ESYT3: variants seen among roughly 807,000 people sequenced by gnomAD.
ESYT3 encodes the protein extended synaptotagmin-3.
Under a neutral mutation model 111.5 loss-of-function variants are expected in ESYT3, and 101 were observed. The observed-to-expected ratio is 0.91, with a 90% CI of 0.77 to 1.07. The LOEUF is 1.07. Among genes scored for constraint, ESYT3 ranks in the 50% least tolerant of loss-of-function variants. The pLI is 0.00. For missense variants in ESYT3, 1,097 were observed against 1,109.4 expected, an observed-to-expected ratio of 0.99 and a Z score of 0.16; for synonymous variants, 416 against 446.8, an observed-to-expected ratio of 0.93 and a Z score of 0.87.
Position 138,474,365 on chromosome 3 carries a change from G to C in ESYT3, c.2468+13G>C. On this transcript the variant is annotated intron_variant, in intron 20 of 22. Coordinates refer to ENST00000389567, the MANE Select transcript of ESYT3 (RefSeq NM_031913.5). ...TGTTTGATGAGACGTAAGTGGGCTG[G>C]TGGCCTGCCTAGAGTGCCTCACCCA... 6.3e-7 allele frequency: 1 copy of C among 1,580,698 alleles called. No individual in the cohort carries two copies. The highest frequency in any genetic ancestry group is 1.4e-5 in the African/African-American group (1 of 73,060).
Position 138,479,254 on chromosome 3 carries a change from T to A in ESYT3, c.*2400T>A, listed in dbSNP as rs2033618772. ...TACATTGGCAAACCTAAGCAAGTTT[T>A]GATGATGATTGTTCACAAGATATAA... On this transcript the variant is annotated 3_prime_UTR_variant, in exon 23 of 23. Coordinates refer to ENST00000389567, the MANE Select transcript of ESYT3 (RefSeq NM_031913.5). The A allele has an allele frequency of 6.6e-6, 1 of 152,192 alleles. No individual in the cohort carries two copies. Among genetic ancestry groups the A allele is most frequent in the Admixed American group, 6.5e-5 (1 of 15,286 alleles). The allele number at this position is 152,192 out of a possible 1,614,324, so 9.4% of individuals were successfully genotyped here.
chr3:138,459,704 C>T (rs189065632), intron 5 of ESYT3, among the ~76,000 whole-genome samples: 1 of 152,240 alleles, frequency 6.6e-6, no homozygotes, highest in African/African-American at 2.4e-5. Context: ...CCAGCACACC[C>T]GTGGAAGGCA....
At chr3:138,464,552 G>T (rs1431256534) in intron 9 of ESYT3, 37 bp downstream of exon 9, 1 of 1,611,070 alleles carries the variant, frequency 6.2e-7, no homozygotes, top group Non-Finnish European at 8.5e-7. Context: ...CCTTCACTCT[G>T]AGTCATGCTG....
intron 8 of ESYT3, chr3:138,462,432 G>T: frequency 1.7e-6 from 1 of 580,288 alleles, no homozygotes; most frequent in Non-Finnish European, 3.0e-6. Context: ...AAACTTACTT[G>T]GAATATTTCC....
chr3:138,448,900 G>A (rs961567681), intron 1 of ESYT3, among the ~76,000 whole-genome samples: 2 of 152,168 alleles, frequency 1.3e-5, no homozygotes, highest in Admixed American at 6.5e-5. Context: ...GGCAGGGTAG[G>A]AGAATTGAGG....
intron 15 of ESYT3, 120 bp from the exon 16 acceptor site, chr3:138,469,940 C>A (rs1384347995): frequency 1.3e-6 from 1 of 745,916 alleles, no homozygotes; most frequent in East Asian, 2.9e-5. Context: ...TGGGTCTGAT[C>A]CCAGGGCATA....
In ESYT3 at chr3:138,476,858, TGAG is replaced by T. The variant is rs780231135; in HGVS notation, c.*5_*7del. ...AAATGGACAGCCCAGAAGCTGATGA[TGAG>T]AATTCTTATCACTCACCTTTATATT... On this transcript the variant is annotated 3_prime_UTR_variant, in exon 23 of 23. Transcript: ENST00000389567. 2.1e-5 allele frequency: 34 copies of T among 1,613,330 alleles called. No individual in the cohort carries two copies. Among genetic ancestry groups the T allele is most frequent in the African/African-American group, 4.0e-5 (3 of 74,906 alleles).
At chr3:138,454,067 G>A (rs1027617521) in intron 2 of ESYT3, among the ~76,000 whole-genome samples, 6 of 152,166 alleles carry the variant, frequency 3.9e-5, no homozygotes, top group African/African-American at 1.2e-4. Context: ...CCATCAGCTC[G>A]GGTAACAGGG....
At position 138,479,895 on chromosome 3, in the gene ESYT3, T is replaced by G. The variant is rs570174341; in HGVS notation, c.*3041T>G. On this transcript the variant is annotated 3_prime_UTR_variant, in exon 23 of 23. Transcript: ENST00000389567. ...TAGAGTCCACTTCTACCCCGTTTAG[T>G]AGTAAATACAAGAATTGCTAACTAG... 1.6e-3 allele frequency: 245 copies of G among 152,324 alleles called. 1 individual carries two copies. The highest frequency in any genetic ancestry group is 5.7e-3 in the African/African-American group (235 of 41,556). The allele number at this position is 152,324 out of a possible 1,614,324, so 9.4% of individuals were successfully genotyped here.
intron 1 of ESYT3, among the ~76,000 whole-genome samples, chr3:138,443,326 G>T (rs766362131): frequency 1.3e-5 from 2 of 152,192 alleles, no homozygotes; most frequent in Non-Finnish European, 2.9e-5. Flanking sequence ...AGATTTAAAA[G>T]TAGTTTTAAT....
chr3:138,460,654 C>G lies in ESYT3; in HGVS notation c.782C>G (p.Ala261Gly). 6.2e-7 allele frequency: 1 copy of G among 1,614,028 alleles called. No homozygotes were observed. The highest frequency in any genetic ancestry group is 2.2e-5 in the East Asian group (1 of 44,868). The stretch of plus-strand genomic sequence containing the variant: ...ACTGGCCTGACCAACCTGCTGGATG[C>G]GCCGGGAATCAAGTAGGTGCCTGGG... ...NWTGLTNLLD[A>G]PGINDVSDSL... The change falls in exon 7 of 23, where the codon GCG becomes GGG. Residue 261 changes from alanine (A) to glycine (G), a missense_variant. Ala to Gly is a moderately conservative substitution (Grantham distance 60). Coordinates refer to ENST00000389567, the MANE Select transcript of ESYT3 (RefSeq NM_031913.5).
At chr3:138,460,551 G>T in intron 6 of ESYT3, 60 bp from the exon 7 acceptor site, 1 of 1,568,110 alleles carries the variant, frequency 6.4e-7, no homozygotes, top group South Asian at 1.1e-5. Flanking sequence ...CTTGGCAGGG[G>T]GTTCTCAGCC....
rs147315966 is a variant in ESYT3 at position 138,436,105 on chromosome 3, G to GA, written c.327+987dup. Among the ~76,000 whole-genome samples the GA allele has an allele frequency of 9.2e-3, 1,400 of 152,148 alleles. 15 individuals carry two copies. Among genetic ancestry groups the GA allele is most frequent in the African/African-American group, 0.032 (1,324 of 41,522 alleles). ...CAGTAGTCTGTAAAGTGAGGTGTGAGAAAAAAATATAAGGCCCATTTAGTT... is the reference window on the plus strand; with the variant it reads ...CAGTAGTCTGTAAAGTGAGGTGTGAGAAAAAAAATATAAGGCCCATTTAGTT... On this transcript the variant is annotated intron_variant, in intron 1 of 22. Transcript: ENST00000389567.
In ESYT3 at chr3:138,451,901, C is replaced by T. The variant is rs941786502; in HGVS notation, c.328-147C>T. On this transcript the variant is annotated intron_variant, in intron 1 of 22. Transcript: ENST00000389567. ...CTGGACGCCGAGTGGGTGCGGAGAG[C>T]GCACCTGTGACCGACGTGGAGGCGG... 2.2e-5 allele frequency: 18 copies of T among 824,400 alleles called. No individual in the cohort carries two copies. The African/African-American group carries it at 2.4e-4, about 11-fold the overall frequency. The allele number at this position is 824,400 out of a possible 1,614,324, so 51.1% of individuals were successfully genotyped here.
chr3:138,456,125 C>T (rs534965143), intron 3 of ESYT3, among the ~76,000 whole-genome samples: 10 of 152,370 alleles, frequency 6.6e-5, no homozygotes, highest in African/African-American at 2.4e-4. Flanking sequence ...ATTAGGCAGG[C>T]CTGAGCCCTG....
chr3:138,471,797 G>A (rs2033233799), intron 17 of ESYT3, among the ~76,000 whole-genome samples: 1 of 152,054 alleles, frequency 6.6e-6, no homozygotes, highest in African/African-American at 2.4e-5. Flanking sequence ...TTAACTTTGG[G>A]TTTCAAGATC....
chr3:138,457,519 C>G, intron 3 of ESYT3, 49 bp from the exon 4 acceptor site: 1 of 1,562,748 alleles, frequency 6.4e-7, no homozygotes. Context: ...TGGCAGCTGT[C>G]CCCTGCTACA....
At chr3:138,437,608 T>G (rs894570003) in intron 1 of ESYT3, among the ~76,000 whole-genome samples, 2 of 152,248 alleles carry the variant, frequency 1.3e-5, no homozygotes, top group Admixed American at 1.3e-4. Flanking sequence ...GAGGCTGGCC[T>G]TGTTCTGAAG....
Position 138,465,190 on chromosome 3 carries a change from G to A in ESYT3, c.1087-149G>A, listed in dbSNP as rs759601679. On this transcript the variant is annotated intron_variant, in intron 9 of 22. Transcript: ENST00000389567. ...ATCTTCTCTTCCCCCCGAAGGGGAG[G>A]GGCTTCACTCCCTTCTTATGGGTGG... 1.0e-5 allele frequency: 6 copies of A among 598,808 alleles called. No homozygotes were observed. The South Asian group carries it at 1.3e-4, about 13-fold the overall frequency. The allele number at this position is 598,808 out of a possible 1,614,324, so 37.1% of individuals were successfully genotyped here.
Sources: allele counts gnomAD v4.1 joint callset (sites outside exome capture counted in the v4.1 genomes callset), GRCh38; gene constraint gnomAD v4.1.1; transcripts MANE v1.5; gene names NCBI Gene and HGNC (gene_info 2026-07-23, HGNC 2026-07-21).